Variants in SCYL2 observed in about 807,000 individuals in gnomAD.
The protein encoded by SCYL2 is SCY1 like pseudokinase 2, also known as SCY1-like protein 2.
SCYL2 carries 36 observed loss-of-function variants against 100.4 expected under a neutral mutation model. That is an observed-to-expected ratio of 0.36 (90% confidence interval 0.27 to 0.47). SCYL2 has a LOEUF of 0.47. Ranked by LOEUF, SCYL2 falls within the 20% of genes least tolerant of loss-of-function variation. SCYL2 has a pLI of 1.00. For missense variants in SCYL2, 902 were observed against 1,083.9 expected (o/e 0.83, Z 2.36); for synonymous variants, 330 against 359.2 (o/e 0.92, Z 0.92).
At chr12:100,313,200 T>G (rs1027439737) in intron 6 of SCYL2, among the ~76,000 whole-genome samples, 2 of 152,188 alleles carry the variant, frequency 1.3e-5, no homozygotes, top group African/African-American at 4.8e-5. Flanking sequence ...GTCATGGCAT[T>G]TGAGTAAATA....
rs143628320 is a variant in SCYL2, at chr12:100,283,269, T to C, written c.177+122T>C. 57 of 729,358 alleles carry C rather than the reference T, an allele frequency of 7.8e-5. No homozygotes were observed. In the East Asian group the frequency reaches 8.9e-4, roughly 11 times the overall value. The allele number at this position is 729,358 out of a possible 1,614,324, so 45.2% of individuals were successfully genotyped here. The stretch of plus-strand genomic sequence containing the variant: ...TTTAATAGGTTCTTAAATGGGTTCT[T>C]TAGTTCTCATTTTATCTTATTAAGT... On this transcript the variant is annotated intron_variant, in intron 2 of 17. Transcript: ENST00000360820.
chr12:100,267,975 TC>T (rs2096281275), intron 1 of SCYL2, among the ~76,000 whole-genome samples, 183 bp downstream of exon 1: 1 of 152,116 alleles, frequency 6.6e-6, no homozygotes, highest in Non-Finnish European at 1.5e-5. Context: ...ACTCCTGCAG[TC>T]TTGTTTTTCT....
intron 11 of SCYL2, among the ~76,000 whole-genome samples, chr12:100,326,077 A>C (rs1447548593): frequency 6.6e-6 from 1 of 152,142 alleles, no homozygotes; most frequent in Non-Finnish European, 1.5e-5. Flanking sequence ...TGTATTTATC[A>C]AATAGTCAAG....
chr12:100,313,357 T>C, intron 6 of SCYL2, 65 bp from the exon 7 acceptor site: 1 of 684,550 alleles, frequency 1.5e-6, no homozygotes, highest in Admixed American at 2.7e-5. Context: ...TTTAAATGTT[T>C]TCTTAAATGT....
chr12:100,321,825 T>C (rs989567794), intron 10 of SCYL2, among the ~76,000 whole-genome samples: 18 of 151,984 alleles, frequency 1.2e-4, no homozygotes, highest in African/African-American at 4.3e-4. Context: ...GGAGGATCTC[T>C]TGAAGCCAGG....
intron 13 of SCYL2, chr12:100,333,733 T>A (rs1306140685): frequency 1.3e-5 from 2 of 153,190 alleles, no homozygotes; most frequent in African/African-American, 4.8e-5. Flanking sequence ...TAGCCAGATA[T>A]GTCATTGCAA....
At position 100,291,573 on chromosome 12, in the gene SCYL2, T is replaced by C. The variant is rs376357156; in HGVS notation, c.248T>C (p.Ile83Thr). 6.3e-7 allele frequency: 1 copy of C among 1,599,128 alleles called. No homozygotes were observed. The highest frequency in any genetic ancestry group is 8.5e-7 in the Non-Finnish European group (1 of 1,175,294). ...KYQKFEKDQI[I>T]DSLKRGVQQL... is the part of the protein sequence containing the mutation. Reference sequence around the variant, plus strand: ...CAAAAATTTGAAAAGGATCAAATCATTGATTCTCTAAAACGAGGAGTCCAA... The same window carrying C: ...CAAAAATTTGAAAAGGATCAAATCACTGATTCTCTAAAACGAGGAGTCCAA... The change falls in exon 3 of 18, where the codon ATT (isoleucine) becomes ACT (threonine). Residue 83 changes from isoleucine to threonine, a missense_variant. By Grantham distance (89) the Ile-to-Thr change is moderately conservative. Coordinates refer to ENST00000360820, the MANE Select transcript of SCYL2 (RefSeq NM_017988.6).
At chr12:100,316,915 A>T (rs757668034) in intron 9 of SCYL2, among the ~76,000 whole-genome samples, 2 of 152,182 alleles carry the variant, frequency 1.3e-5, no homozygotes, top group Non-Finnish European at 1.5e-5. Flanking sequence ...CAGCCTGGGC[A>T]ACATGGTGAA....
chr12:100,339,134 A>C lies in SCYL2; in HGVS notation c.2752A>C (p.Ser918Arg). 1 of 1,613,766 alleles carries C rather than the reference A, an allele frequency of 6.2e-7. No homozygotes were observed. Among genetic ancestry groups the C allele is most frequent in the South Asian group, 1.1e-5 (1 of 90,998 alleles). The change falls in exon 18 of 18, where the codon AGT becomes CGT. Residue 918 changes from serine (S) to arginine (R), a missense_variant. Coordinates refer to ENST00000360820, the MANE Select transcript of SCYL2 (RefSeq NM_017988.6). ...GCCACCAACTACTATGACCAATAGC[A>C]GTTCAGCTAGCAATGATTTAAAAGA... ...AQPPTTMTNS[S>R]SASNDLKDLF...
At position 100,341,633 on chromosome 12, in the gene SCYL2, T is replaced by G. The variant is rs1952354689; in HGVS notation, c.*2461T>G. The G allele has an allele frequency of 6.6e-6, 1 of 152,190 alleles. No individual in the cohort carries two copies. Among genetic ancestry groups the G allele is most frequent in the Non-Finnish European group, 1.5e-5 (1 of 68,014 alleles). The allele number at this position is 152,190 out of a possible 1,614,324, so 9.4% of individuals were successfully genotyped here. On this transcript the variant is annotated 3_prime_UTR_variant, in exon 18 of 18. Coordinates refer to ENST00000360820, the MANE Select transcript of SCYL2 (RefSeq NM_017988.6). ...TGTAAAATACCTCACATGGTTGTTT[T>G]TACACATGAAAGAAAAAGGTATATG...
intron 10 of SCYL2, among the ~76,000 whole-genome samples, chr12:100,318,601 G>T (rs576989202): frequency 1.3e-5 from 2 of 152,156 alleles, no homozygotes; most frequent in Non-Finnish European, 2.9e-5. Context: ...CAAAGTACTG[G>T]GATTATAAGC....
chr12:100,340,619 A>G lies in SCYL2; in HGVS notation c.*1447A>G, dbSNP rs1952341023. 1 of 152,068 alleles carries G rather than the reference A, an allele frequency of 6.6e-6. No homozygotes were observed. The highest frequency in any genetic ancestry group is 1.5e-5 in the Non-Finnish European group (1 of 67,918). The allele number at this position is 152,068 out of a possible 1,614,324, so 9.4% of individuals were successfully genotyped here. On this transcript the variant is annotated 3_prime_UTR_variant, in exon 18 of 18. Transcript: ENST00000360820. ...TTGAAAATATATACACAATATATGTAATACACAGCACTTGATTACAAAATG... is the reference window on the plus strand; with the variant it reads ...TTGAAAATATATACACAATATATGTGATACACAGCACTTGATTACAAAATG...
intron 5 of SCYL2, 64 bp from the exon 6 acceptor site, chr12:100,312,368 C>T (rs570506214): frequency 1.7e-6 from 2 of 1,188,482 alleles, no homozygotes; most frequent in South Asian, 1.2e-5. Flanking sequence ...AGATAGATTA[C>T]TACTGCTTGA....
intron 4 of SCYL2, among the ~76,000 whole-genome samples, 167 bp from the exon 5 acceptor site, chr12:100,310,877 A>G (rs184830426): frequency 6.0e-4 from 91 of 152,310 alleles, no homozygotes; most frequent in African/African-American, 2.1e-3. Context: ...TGTTCTGGCA[A>G]TTGACTACAT....
In SCYL2 at chr12:100,298,103, A is replaced by G. The variant is rs750193780; in HGVS notation, c.408A>G (p.Leu136=). Residue 136 remains leucine, a synonymous_variant, in exon 4 of 18, where the codon CTA becomes CTG. Transcript: ENST00000360820. ...ATGTTCTTGGTAACTGGGAAAATCT[A>G]CCTTCCCCTATATCTCCAGACATTA... The part of the protein sequence containing the change: ...LANVLGNWEN[L]PSPISPDIKD... 5 of 1,609,524 alleles carry G rather than the reference A, an allele frequency of 3.1e-6. No homozygotes were observed. The highest frequency in any genetic ancestry group is 2.2e-5 in the South Asian group (2 of 90,634).
chr12:100,309,106 T>TGTGTG (rs375603479), intron 4 of SCYL2, among the ~76,000 whole-genome samples: 1 of 148,064 alleles, frequency 6.8e-6, no homozygotes, highest in Admixed American at 6.8e-5. Context: ...GTATTTTGAT[T>TGTGTG]TGTGTGTGTG....
Position 100,315,585 on chromosome 12 carries a change from T to C in SCYL2, c.1123T>C (p.Cys375Arg). ...TGTCATTGTGCAGAGAATTTTGCCTTGTTTGACTTCAGAATTTGTAAACCC... is the reference window on the plus strand; with the variant it reads ...TGTCATTGTGCAGAGAATTTTGCCTCGTTTGACTTCAGAATTTGTAAACCC... ...KRVIVQRILP[C>R]LTSEFVNPDM... The change falls in exon 9 of 18, where the codon TGT (cysteine) becomes CGT (arginine). Residue 375 changes from cysteine to arginine, a missense_variant. By Grantham distance (180) the Cys-to-Arg change is radical. Transcript: ENST00000360820. The C allele has an allele frequency of 6.2e-7, 1 of 1,605,764 alleles. No homozygotes were observed. Among genetic ancestry groups the C allele is most frequent in the South Asian group, 1.1e-5 (1 of 88,240 alleles).
Position 100,291,489 on chromosome 12 carries a change from ATTCT to A in SCYL2, c.178-11_178-8del. On this transcript the variant is annotated splice_polypyrimidine_tract_variant and intron_variant, in intron 2 of 17. Transcript: ENST00000360820. ...TATATTTCTTGACTAAAATTACACAATTCTTTTATTTAGGAAGTGGCAGTTTTTG... is the reference window on the plus strand; with the variant it reads ...TATATTTCTTGACTAAAATTACACAATTTATTTAGGAAGTGGCAGTTTTTG... 2 of 1,466,142 alleles carry A rather than the reference ATTCT, an allele frequency of 1.4e-6. No homozygotes were observed. The highest frequency in any genetic ancestry group is 1.8e-6 in the Non-Finnish European group (2 of 1,084,112). 90.8% of individuals were successfully genotyped at this position (1,466,142 alleles called of 1,614,324 possible). A position where few individuals can be genotyped will look rare whatever the true frequency, so the allele number is the denominator to read the frequency against.
intron 11 of SCYL2, 98 bp from the exon 12 acceptor site, chr12:100,326,524 C>CT (rs2096361996): frequency 1.2e-6 from 1 of 813,998 alleles, no homozygotes; most frequent in Non-Finnish European, 1.8e-6. Context: ...ATTCTTGAGA[C>CT]TTTAACATAT....
Sources: allele counts gnomAD v4.1 joint callset (sites outside exome capture counted in the v4.1 genomes callset), GRCh38; gene constraint gnomAD v4.1.1; transcripts MANE v1.5; gene names NCBI Gene and HGNC (gene_info 2026-07-23, HGNC 2026-07-21).